B3GALT5: variants seen among roughly 807,000 people sequenced by gnomAD.
B3GALT5 encodes the protein beta-1,3-galactosyltransferase 5, also known as UDP-Gal:betaGlcNAc beta 1,3-galactosyltransferase, polypeptide 5.
For missense variants in B3GALT5, 328 were observed against 396.6 expected (o/e 0.83, Z 1.47); for synonymous variants, 156 against 158.6 (o/e 0.98, Z 0.12).
At chr21:39,647,113 C>CA (rs961090932) in intron 2 of B3GALT5, among the ~76,000 whole-genome samples, 47 of 151,602 alleles carry the variant, frequency 3.1e-4, no homozygotes, top group African/African-American at 8.0e-4. Flanking sequence ...AAAAGCAAAA[C>CA]AAAAAAAACC....
chr21:39,616,356 C>T (rs1450074944), intron 1 of B3GALT5, among the ~76,000 whole-genome samples: 1 of 152,160 alleles, frequency 6.6e-6, no homozygotes, highest in East Asian at 1.9e-4. Flanking sequence ...CCTTTTTAAT[C>T]TCGTTCCGTC....
chr21:39,648,901 G>A (rs1458689314), intron 2 of B3GALT5, among the ~76,000 whole-genome samples: 1 of 152,214 alleles, frequency 6.6e-6, no homozygotes, highest in African/African-American at 2.4e-5. Flanking sequence ...CCGACCATCT[G>A]CAAGCCAGGA....
Position 39,634,367 on chromosome 21 carries a change from C to T in B3GALT5, c.-391-12025C>T, listed in dbSNP as rs189054874. On this transcript the variant is annotated intron_variant, in intron 1 of 3. Transcript: ENST00000684187. ...CTGCTCCCATGTCCCGATCCGACTT[C>T]AGAGGTGGGAAAACGTTGGGAGCTG... Among the ~76,000 whole-genome samples, 209 of 152,266 alleles carry T rather than the reference C, an allele frequency of 1.4e-3. 2 individuals are homozygous for T. The highest frequency in any genetic ancestry group is 8.6e-3 in the Admixed American group (131 of 15,302).
chr21:39,649,190 C>G (rs973358310), intron 2 of B3GALT5, among the ~76,000 whole-genome samples: 3 of 152,164 alleles, frequency 2.0e-5, no homozygotes, highest in Non-Finnish European at 4.4e-5. Flanking sequence ...GACAGAGAGG[C>G]CCTGCTGGAC....
Position 39,661,265 on chromosome 21 carries a change from G to A in B3GALT5, c.706G>A (p.Val236Ile), listed in dbSNP as rs369365169. ...TCAGGTGTACAATGTCTCCAAGAGC[G>A]TCCCATACATTAAACTGGAAGACGT... ...ASQVYNVSKS[V>I]PYIKLEDVFV... The change falls in exon 4 of 4, where the codon GTC becomes ATC. Residue 236 changes from valine (V) to isoleucine (I), a missense_variant. Coordinates refer to ENST00000684187, the MANE Select transcript of B3GALT5 (RefSeq NM_001356336.2). The surrounding 1 kb of genome is among the most constrained non-coding windows in gnomAD (Gnocchi z 4.7). 28 of 1,614,166 alleles carry A rather than the reference G, an allele frequency of 1.7e-5. No individual in the cohort carries two copies. Among genetic ancestry groups the A allele is most frequent in the Non-Finnish European group, 2.3e-5 (27 of 1,180,056 alleles).
chr21:39,656,270 A>G (rs631430), intron 2 of B3GALT5, among the ~76,000 whole-genome samples: 58,238 of 151,994 alleles, frequency 0.38, 12,415 homozygotes, highest in Middle Eastern at 0.57. Flanking sequence ...CCCAAGGCCT[A>G]TGCGGTGGTG....
chr21:39,661,164 A>C lies in B3GALT5; in HGVS notation c.605A>C (p.Lys202Thr). 6.2e-7 allele frequency: 1 copy of C among 1,614,078 alleles called. No homozygotes were observed. The highest frequency in any genetic ancestry group is 8.5e-7 in the Non-Finnish European group (1 of 1,179,972). ...RQPFSKWFVS[K>T]SEYPWDRYPP... ...CCATTCAGCAAGTGGTTTGTCAGTAAATCTGAATATCCGTGGGACAGGTAC... is the reference window on the plus strand; with the variant it reads ...CCATTCAGCAAGTGGTTTGTCAGTACATCTGAATATCCGTGGGACAGGTAC... The change falls in exon 4 of 4, where the codon AAA becomes ACA. Residue 202 changes from lysine to threonine, a missense_variant. Lys to Thr is a moderately conservative substitution (Grantham distance 78). Coordinates refer to ENST00000684187, the MANE Select transcript of B3GALT5 (RefSeq NM_001356336.2). This position sits in a 1 kb window ranked among gnomAD's most constrained non-coding sequence, Gnocchi z 4.7.
intron 1 of B3GALT5, among the ~76,000 whole-genome samples, chr21:39,641,966 A>G (rs1023571151): frequency 1.3e-5 from 2 of 152,232 alleles, no homozygotes; most frequent in Non-Finnish European, 2.9e-5. Flanking sequence ...CACAGCTTCA[A>G]GTAGAATTAA....
intron 2 of B3GALT5, among the ~76,000 whole-genome samples, chr21:39,651,491 C>T (rs1469969518): frequency 6.6e-6 from 1 of 152,218 alleles, no homozygotes; most frequent in Non-Finnish European, 1.5e-5. Context: ...GTTTGTGAGT[C>T]TGTGTCCAAA....
intron 1 of B3GALT5, among the ~76,000 whole-genome samples, chr21:39,632,843 C>T (rs143994955): frequency 1.3e-5 from 2 of 152,226 alleles, no homozygotes; most frequent in East Asian, 3.9e-4. Context: ...CCCGGGGATG[C>T]AGGGAGAAAG....
chr21:39,622,644 G>A (rs893085449), intron 1 of B3GALT5, among the ~76,000 whole-genome samples: 1 of 151,958 alleles, frequency 6.6e-6, no homozygotes, highest in African/African-American at 2.4e-5. Context: ...CTCGCATATA[G>A]GTAGATTTTT....
At chr21:39,648,735 G>T (rs960253072) in intron 2 of B3GALT5, among the ~76,000 whole-genome samples, 1 of 152,206 alleles carries the variant, frequency 6.6e-6, no homozygotes, top group Admixed American at 6.5e-5. Flanking sequence ...TGTGTTGAAG[G>T]CCTCACCCCC....
intron 1 of B3GALT5, among the ~76,000 whole-genome samples, chr21:39,635,732 G>C (rs894937387): frequency 6.6e-6 from 1 of 151,962 alleles, no homozygotes; most frequent in African/African-American, 2.4e-5. Context: ...CACCCACCTC[G>C]GCCTCCCAAA....
Position 39,672,923 on chromosome 21 carries a change from C to G in B3GALT5, c.*11431C>G, listed in dbSNP as rs1418414365. 6.6e-6 allele frequency: 1 copy of G among 152,128 alleles called. No homozygotes were observed. Among genetic ancestry groups the G allele is most frequent in the Non-Finnish European group, 1.5e-5 (1 of 68,034 alleles). 9.4% of individuals were successfully genotyped at this position (152,128 alleles called of 1,614,324 possible). A position where few individuals can be genotyped will look rare whatever the true frequency, so the allele number is the denominator to read the frequency against. ...CATTGAGGTGTCCTGTCGGGAATGA[C>G]AAGTCCAGGGCAGATTATGAGGCAG... On this transcript the variant is annotated 3_prime_UTR_variant, in exon 4 of 4. Transcript: ENST00000684187.
At chr21:39,626,111 C>T (rs1262417095) in intron 1 of B3GALT5, among the ~76,000 whole-genome samples, 1 of 152,122 alleles carries the variant, frequency 6.6e-6, no homozygotes, top group Admixed American at 6.5e-5. Flanking sequence ...CCCTGGGAAC[C>T]CCCATTCTAT....
chr21:39,623,552 A>G (rs1359792438), intron 1 of B3GALT5, among the ~76,000 whole-genome samples: 2 of 151,912 alleles, frequency 1.3e-5, no homozygotes, highest in African/African-American at 2.4e-5. Flanking sequence ...AAATATTTTA[A>G]TTATGGCTTT....
chr21:39,620,984 G>A (rs1270575060), intron 1 of B3GALT5, among the ~76,000 whole-genome samples: 1 of 152,206 alleles, frequency 6.6e-6, no homozygotes, highest in Non-Finnish European at 1.5e-5. Context: ...GCAGTGACAG[G>A]TTAGGTACAA....
At chr21:39,635,442 CTG>C (rs2079220517) in intron 1 of B3GALT5, among the ~76,000 whole-genome samples, 1 of 152,098 alleles carries the variant, frequency 6.6e-6, no homozygotes, top group Non-Finnish European at 1.5e-5. Flanking sequence ...GTTATTGTGT[CTG>C]TACTACTTTC....
chr21:39,641,901 C>T lies in B3GALT5; in HGVS notation c.-391-4491C>T, dbSNP rs532251827. On this transcript the variant is annotated intron_variant, in intron 1 of 3. Coordinates refer to ENST00000684187, the MANE Select transcript of B3GALT5 (RefSeq NM_001356336.2). ...GAGTTTTTTTGATTCATGTTCTAAA[C>T]GCTATGCTTTGATAGCCAGACTAAG... 1.5e-3 allele frequency among the ~76,000 whole-genome samples: 231 copies of T among 152,268 alleles called. 1 individual carries two copies. The highest frequency in any genetic ancestry group is 3.8e-3 in the African/African-American group (159 of 41,540).
Sources: allele counts gnomAD v4.1 joint callset (sites outside exome capture counted in the v4.1 genomes callset), GRCh38; gene constraint gnomAD v4.1.1; non-coding constraint Gnocchi (gnomAD v3.1); transcripts MANE v1.5; gene names NCBI Gene and HGNC (gene_info 2026-07-23, HGNC 2026-07-21).